Variants in EPHA7 observed in about 807,000 individuals in gnomAD.
EPHA7 encodes ephrin type-A receptor 7.
Under a neutral mutation model 112.6 loss-of-function variants are expected in EPHA7, and 25 were observed. That is an observed-to-expected ratio of 0.22 (90% CI 0.16 to 0.31). The LOEUF is 0.31. EPHA7 is among the 10% of genes least tolerant of loss of function. EPHA7 has a pLI of 1.00. For missense variants in EPHA7, 962 were observed against 1,212.6 expected, an observed-to-expected ratio of 0.79 and a Z score of 3.07; for synonymous variants, 437 against 406.5, an observed-to-expected ratio of 1.07 and a Z score of -0.90.
intron 7 of EPHA7, 47 bp from the exon 8 acceptor site, chr6:93,264,749 A>T: frequency 8.8e-7 from 1 of 1,130,294 alleles, no homozygotes; most frequent in Non-Finnish European, 1.3e-6. Flanking sequence ...ACCATGCAAG[A>T]ACTTGAAAGG....
chr6:93,418,547 GC>G (rs1446489825), intron 1 of EPHA7, among the ~76,000 whole-genome samples: 1 of 152,206 alleles, frequency 6.6e-6, no homozygotes. Flanking sequence ...GGCTGCCGCT[GC>G]CCCCATGACC....
At chr6:93,276,133 G>A (rs930107589) in intron 5 of EPHA7, among the ~76,000 whole-genome samples, 1 of 151,966 alleles carries the variant, frequency 6.6e-6, no homozygotes, top group Non-Finnish European at 1.5e-5. Flanking sequence ...ATGGCCAAAA[G>A]AGTACTGTAA....
At chr6:93,251,221 A>G (rs1770192988) in intron 14 of EPHA7, among the ~76,000 whole-genome samples, 1 of 152,080 alleles carries the variant, frequency 6.6e-6, no homozygotes, top group African/African-American at 2.4e-5. Flanking sequence ...ACATGAAAAA[A>G]TATAAAGTCA....
At position 93,269,512 on chromosome 6, in the gene EPHA7, G is replaced by A; in HGVS notation, c.1598C>T (p.Ala533Val). 1 of 1,611,140 alleles carries A rather than the reference G, an allele frequency of 6.2e-7. No individual in the cohort carries two copies. Among genetic ancestry groups the A allele is most frequent in the Non-Finnish European group, 8.5e-7 (1 of 1,178,166 alleles). ...YGNYSPRLDV[A>V]TLEEATGKMF... ...TTTACCTGTAGCTTCCTCTAGTGTA[G>A]CAACATCAAGTCTGGGACTGTAATT... The change falls in exon 7 of 17, where the codon GCT becomes GTT. Residue 533 changes from alanine (A) to valine (V), a missense_variant. Transcript: ENST00000369303.
At chr6:93,366,663 G>A (rs1472611173) in intron 3 of EPHA7, among the ~76,000 whole-genome samples, 11 of 152,114 alleles carry the variant, frequency 7.2e-5, no homozygotes, top group Admixed American at 7.2e-4. Flanking sequence ...CCCTGATGGT[G>A]TCTGATTCTT....
intron 14 of EPHA7, among the ~76,000 whole-genome samples, chr6:93,250,971 G>C (rs1400592307): frequency 6.6e-6 from 1 of 152,058 alleles, no homozygotes; most frequent in Non-Finnish European, 1.5e-5. Context: ...TATTATTACA[G>C]TATGACCATT....
At chr6:93,319,395 A>G (rs1773958730) in intron 5 of EPHA7, among the ~76,000 whole-genome samples, 3 of 152,098 alleles carry the variant, frequency 2.0e-5, no homozygotes, top group African/African-American at 7.2e-5. Flanking sequence ...AAAGGCCCAA[A>G]GACAGGAACA....
chr6:93,345,884 A>G (rs1472916036), intron 5 of EPHA7, among the ~76,000 whole-genome samples: 1 of 151,604 alleles, frequency 6.6e-6, no homozygotes, highest in Non-Finnish European at 1.5e-5. Context: ...ATTCCACCAG[A>G]TTGCTTGTCT....
intron 5 of EPHA7, among the ~76,000 whole-genome samples, chr6:93,301,114 A>G (rs930899042): frequency 4.6e-5 from 7 of 152,212 alleles, no homozygotes; most frequent in Non-Finnish European, 1.0e-4. Flanking sequence ...TATGTAGCAT[A>G]TGACTGTATC....
intron 5 of EPHA7, among the ~76,000 whole-genome samples, chr6:93,281,465 T>C (rs969687114): frequency 5.9e-5 from 9 of 152,196 alleles, no homozygotes; most frequent in African/African-American, 2.2e-4. Context: ...ACTGTGGCTT[T>C]GCTTTAATGA....
At chr6:93,387,869 A>G (rs1054927571) in intron 3 of EPHA7, among the ~76,000 whole-genome samples, 2 of 152,028 alleles carry the variant, frequency 1.3e-5, no homozygotes, top group African/African-American at 2.4e-5. Context: ...GTGGATTACA[A>G]TTCAAGATGA....
intron 5 of EPHA7, among the ~76,000 whole-genome samples, chr6:93,331,748 T>C (rs1158957863): frequency 6.6e-6 from 1 of 151,614 alleles, no homozygotes; most frequent in African/African-American, 2.4e-5. Context: ...AATTCAACCA[T>C]ATTATACCTT....
chr6:93,258,023 T>G, intron 11 of EPHA7, 76 bp downstream of exon 11: 1 of 1,344,252 alleles, frequency 7.4e-7, no homozygotes. Context: ...TCATAATTTG[T>G]TTTATTGTGT....
rs528563894 is a variant in EPHA7 at position 93,393,929 on chromosome 6, G to C, written c.832+16572C>G. Among the ~76,000 whole-genome samples, 3 of 151,846 alleles carry C rather than the reference G, an allele frequency of 2.0e-5. No homozygotes were observed. The South Asian group carries it at 6.2e-4, about 31-fold the overall frequency. ...CACAGCAAATTGTATCTGTACTCCA[G>C]ACAGCTTTTTCATAAATTTTTACGA... On this transcript the variant is annotated intron_variant, in intron 3 of 16. Transcript: ENST00000369303.
intron 3 of EPHA7, among the ~76,000 whole-genome samples, chr6:93,361,702 C>T (rs1776269932): frequency 6.6e-6 from 1 of 152,142 alleles, no homozygotes; most frequent in East Asian, 1.9e-4. Flanking sequence ...ACCTTAAATT[C>T]CCTTCATACA....
intron 5 of EPHA7, among the ~76,000 whole-genome samples, chr6:93,345,470 C>T (rs771108611): frequency 2.6e-5 from 4 of 151,706 alleles, no homozygotes; most frequent in Non-Finnish European, 4.4e-5. Context: ...TATTTTGCCA[C>T]AGAACATACA....
intron 4 of EPHA7, among the ~76,000 whole-genome samples, chr6:93,357,384 T>TA (rs971762324): frequency 1.3e-5 from 2 of 151,880 alleles, no homozygotes; most frequent in African/African-American, 2.4e-5. Context: ...TTAATGCACC[T>TA]AAAAAAAACA....
At chr6:93,412,763 T>G (rs1422068852) in intron 2 of EPHA7, among the ~76,000 whole-genome samples, 2 of 151,934 alleles carry the variant, frequency 1.3e-5, no homozygotes, top group Non-Finnish European at 2.9e-5. Context: ...AATCAAAAGC[T>G]CCAAAGATAA....
chr6:93,406,332 A>G (rs2127991991), intron 3 of EPHA7, among the ~76,000 whole-genome samples: 1 of 151,818 alleles, frequency 6.6e-6, no homozygotes, highest in East Asian at 1.9e-4. Flanking sequence ...TAGGATTATC[A>G]TCCAAATAAA....
Sources: gnomAD v4.1 joint callset for allele counts (sites outside exome capture counted in the v4.1 genomes callset) on GRCh38, gnomAD v4.1.1 for gene constraint, MANE v1.5 for transcripts, NCBI Gene and HGNC (gene_info 2026-07-23, HGNC 2026-07-21) for gene names.